The following DLC1 variants were observed in gnomAD, a reference collection of about 807,000 sequenced individuals.
The protein encoded by DLC1 is DLC1 Rho GTPase activating protein, also known as rho GTPase-activating protein 7.
Under a neutral mutation model 140.3 loss-of-function variants are expected in DLC1, and 54 were observed. That is an observed-to-expected ratio of 0.38 (90% CI 0.31 to 0.48). The LOEUF is 0.48. DLC1 is among the 20% of genes least tolerant of loss of function. The pLI, the probability that DLC1 is intolerant of heterozygous loss-of-function variation, is 0.96. For missense variants in DLC1, 2,536 were observed against 1,907.0 expected (o/e 1.33, Z -6.14); for synonymous variants, 986 against 728.1 (o/e 1.35, Z -5.70).
At chr8:13,394,427 T>G (rs375176708) in intron 3 of DLC1, among the ~76,000 whole-genome samples, 1 of 152,188 alleles carries the variant, frequency 6.6e-6, no homozygotes, top group South Asian at 2.1e-4. Context: ...AACTACTACA[T>G]AGTGTGAGGT....
chr8:13,401,287 C>T (rs1411179216), intron 3 of DLC1, among the ~76,000 whole-genome samples, 183 bp downstream of exon 3: 2 of 152,144 alleles, frequency 1.3e-5, no homozygotes, highest in Non-Finnish European at 2.9e-5. Flanking sequence ...GGCCTCTCTG[C>T]ATAGAATTAT....
At chr8:13,311,189 A>G (rs1194377034) in intron 4 of DLC1, among the ~76,000 whole-genome samples, 1 of 152,204 alleles carries the variant, frequency 6.6e-6, no homozygotes, top group African/African-American at 2.4e-5. Flanking sequence ...CATTTTGCCT[A>G]TGAGGACGTT....
intron 2 of DLC1, among the ~76,000 whole-genome samples, chr8:13,437,517 C>T (rs1286214855): frequency 1.3e-5 from 2 of 152,172 alleles, no homozygotes; most frequent in African/African-American, 4.8e-5. Context: ...CTCCTTTCTC[C>T]TGATTAATTC....
intron 3 of DLC1, among the ~76,000 whole-genome samples, chr8:13,395,943 T>G (rs1837021446): frequency 6.6e-6 from 1 of 152,150 alleles, no homozygotes; most frequent in African/African-American, 2.4e-5. Flanking sequence ...CAAGTAGTCT[T>G]AAATAGCAGA....
intron 4 of DLC1, among the ~76,000 whole-genome samples, chr8:13,362,009 A>G (rs1012983370): frequency 6.6e-6 from 1 of 152,236 alleles, no homozygotes; most frequent in Non-Finnish European, 1.5e-5. Context: ...TCAAAAGTGG[A>G]GTCAAAGAGC....
chr8:13,215,234 A>T (rs1276584764), intron 5 of DLC1, among the ~76,000 whole-genome samples: 2 of 152,360 alleles, frequency 1.3e-5, no homozygotes, highest in South Asian at 2.1e-4. Flanking sequence ...TTAACAAAAA[A>T]AATTAATAAA....
chr8:13,086,287 T>C lies in DLC1; in HGVS notation c.4466+3A>G. 3 of 1,613,314 alleles carry C rather than the reference T, an allele frequency of 1.9e-6. No individual in the cohort carries two copies. The highest frequency in any genetic ancestry group is 1.1e-5 in the South Asian group (1 of 90,986). ...ATATAAAAAAATCAGAATCAGAACA[T>C]ACCTTAAGTCAACTCTGCACATGTA... is the stretch of plus-strand genomic sequence containing the variant. On this transcript the variant is annotated splice_donor_region_variant and intron_variant, in intron 17 of 17. Coordinates refer to ENST00000276297, the MANE Select transcript of DLC1 (RefSeq NM_182643.3).
chr8:13,226,182 G>C (rs1828790355), intron 5 of DLC1, among the ~76,000 whole-genome samples: 1 of 152,010 alleles, frequency 6.6e-6, no homozygotes, highest in East Asian at 1.9e-4. Flanking sequence ...CCAAAGTGCT[G>C]GCATAACAGG....
intron 1 of DLC1, chr8:13,567,662 C>A: frequency 1.3e-6 from 2 of 1,551,772 alleles, no homozygotes; most frequent in Non-Finnish European, 1.7e-6. Flanking sequence ...TTACTGGAGT[C>A]ATTTCTACTC....
chr8:13,395,004 T>TTCTATCTATCTACCTA (rs1836957362), intron 3 of DLC1, among the ~76,000 whole-genome samples: 1 of 100,770 alleles, frequency 9.9e-6, no homozygotes, highest in South Asian at 3.3e-4. Flanking sequence ...CTACTACATA[T>TTCTATCTATCTACCTA]TCTATCTATC....
intron 7 of DLC1, among the ~76,000 whole-genome samples, 183 bp from the exon 8 acceptor site, chr8:13,103,036 C>T (rs955802076): frequency 5.3e-5 from 8 of 152,152 alleles, no homozygotes; most frequent in African/African-American, 1.7e-4. Flanking sequence ...CTTGGCCGGG[C>T]GTGGTGGCTC....
intron 5 of DLC1, among the ~76,000 whole-genome samples, chr8:13,173,674 C>A (rs28733022): frequency 0.054 from 8,224 of 152,200 alleles, 508 homozygotes; most frequent in African/African-American, 0.16. Context: ...CCGGCCTGTT[C>A]TGCTCCCTTT....
At chr8:13,175,303 CTTTT>C (rs34107011) in intron 5 of DLC1, among the ~76,000 whole-genome samples, 2 of 131,708 alleles carry the variant, frequency 1.5e-5, no homozygotes, top group Non-Finnish European at 1.6e-5. Context: ...ATGCCTCCAG[CTTTT>C]TTTTTTTTTT....
At chr8:13,361,386 C>G (rs932820533) in intron 4 of DLC1, among the ~76,000 whole-genome samples, 40 of 152,118 alleles carry the variant, frequency 2.6e-4, no homozygotes, top group African/African-American at 9.6e-4. Flanking sequence ...TCCTGAGCAG[C>G]TGGGACTACA....
chr8:13,441,202 C>G (rs1046243477), intron 2 of DLC1, among the ~76,000 whole-genome samples: 3 of 152,128 alleles, frequency 2.0e-5, no homozygotes, highest in African/African-American at 7.2e-5. Flanking sequence ...ATTGATGGGA[C>G]GTATCTCAAA....
At chr8:13,429,063 C>T (rs901043103) in intron 2 of DLC1, among the ~76,000 whole-genome samples, 5 of 152,054 alleles carry the variant, frequency 3.3e-5, no homozygotes, top group East Asian at 1.9e-4. Flanking sequence ...TGATGGTTTA[C>T]GATTAAAGGG....
chr8:13,379,167 A>G (rs1002722369), intron 4 of DLC1, among the ~76,000 whole-genome samples: 1 of 152,178 alleles, frequency 6.6e-6, no homozygotes, highest in Non-Finnish European at 1.5e-5. Context: ...GAATAAAAAT[A>G]GGTATCCTTG....
At chr8:13,353,092 C>A (rs953857149) in intron 4 of DLC1, among the ~76,000 whole-genome samples, 1 of 152,054 alleles carries the variant, frequency 6.6e-6, no homozygotes, top group Non-Finnish European at 1.5e-5. Context: ...TTCTTAGTAA[C>A]ATAATTAACC....
chr8:13,286,598 C>A (rs1443722377), intron 5 of DLC1, among the ~76,000 whole-genome samples: 1 of 151,292 alleles, frequency 6.6e-6, no homozygotes. Context: ...GCACAGAATG[C>A]AACCTGAAAA....
Sources: gnomAD v4.1 joint callset for allele counts (sites outside exome capture counted in the v4.1 genomes callset) on GRCh38, gnomAD v4.1.1 for gene constraint, MANE v1.5 for transcripts, NCBI Gene and HGNC (gene_info 2026-07-23, HGNC 2026-07-21) for gene names.